The following SEC11A variants were observed in gnomAD, a reference collection of about 807,000 sequenced individuals.
The protein encoded by SEC11A is SEC11 homolog A, signal peptidase complex subunit.
Under a neutral mutation model 25.6 loss-of-function variants are expected in SEC11A, and 14 were observed. That is an observed-to-expected ratio of 0.55 (90% CI 0.36 to 0.85). The LOEUF (loss-of-function observed/expected upper bound fraction) is 0.85, where lower values mean the gene tolerates loss of function less well. Among genes scored for constraint, SEC11A ranks in the 40% least tolerant of loss-of-function variants. SEC11A has a pLI of 0.01. For synonymous variants in SEC11A, 83 were observed against 76.4 expected (o/e 1.09, Z -0.45); for missense variants, 153 against 222.9 (o/e 0.69, Z 2.00).
intron 4 of SEC11A, among the ~76,000 whole-genome samples, chr15:84,680,211 G>C (rs1317779117): frequency 6.6e-6 from 1 of 151,624 alleles, no homozygotes; most frequent in East Asian, 1.9e-4. Context: ...TGAGGCAGGA[G>C]AATCGCTTGA....
intron 4 of SEC11A, 127 bp from the exon 5 acceptor site, chr15:84,670,909 C>T (rs1470259321): frequency 6.1e-6 from 3 of 490,654 alleles, no homozygotes; most frequent in South Asian, 3.3e-5. Context: ...TTTCTATATA[C>T]TGCCCTATTT....
chr15:84,716,132 G>C lies in SEC11A; in HGVS notation c.-57C>G. 6.5e-7 allele frequency: 1 copy of C among 1,536,944 alleles called. No homozygotes were observed. Among genetic ancestry groups the C allele is most frequent in the Non-Finnish European group, 9.0e-7 (1 of 1,112,680 alleles). ...GAAAGGGCGCGATGACCAGCGGGCG[G>C]AACTACTGGAGCTCGGGTCGGGCTC... On this transcript the variant is annotated 5_prime_UTR_variant, in exon 1 of 6. Transcript: ENST00000268220.
At chr15:84,706,653 C>T (rs1053700711) in intron 1 of SEC11A, among the ~76,000 whole-genome samples, 2 of 152,162 alleles carry the variant, frequency 1.3e-5, no homozygotes, top group African/African-American at 4.8e-5. Flanking sequence ...ATAACAGAAA[C>T]GTAACTTTTG....
At chr15:84,706,402 A>G (rs1183369428) in intron 1 of SEC11A, among the ~76,000 whole-genome samples, 2 of 152,158 alleles carry the variant, frequency 1.3e-5, no homozygotes, top group African/African-American at 4.8e-5. Flanking sequence ...CTACTACACC[A>G]TGAGGGAAGC....
intron 3 of SEC11A, among the ~76,000 whole-genome samples, chr15:84,682,499 A>T (rs1897306931): frequency 6.6e-6 from 1 of 152,100 alleles, no homozygotes; most frequent in Admixed American, 6.6e-5. Context: ...CCCAGGCTGG[A>T]GTGCAATGGC....
At chr15:84,708,309 A>G (rs1247058332) in intron 1 of SEC11A, among the ~76,000 whole-genome samples, 1 of 151,754 alleles carries the variant, frequency 6.6e-6, no homozygotes, top group East Asian at 1.9e-4. Context: ...ATGGGGACTG[A>G]TATCAATATT....
At chr15:84,713,890 G>A (rs962372868) in intron 1 of SEC11A, among the ~76,000 whole-genome samples, 7 of 152,044 alleles carry the variant, frequency 4.6e-5, no homozygotes, top group Admixed American at 1.3e-4. Context: ...GAAGCTGTTC[G>A]TAATGCCCTG....
At chr15:84,714,477 T>A (rs1452287429) in intron 1 of SEC11A, among the ~76,000 whole-genome samples, 1 of 152,240 alleles carries the variant, frequency 6.6e-6, no homozygotes, top group East Asian at 1.9e-4. Context: ...TGAATGCAAC[T>A]AATGTCAGTG....
chr15:84,670,446 C>A, intron 5 of SEC11A: 1 of 275,720 alleles, frequency 3.6e-6, no homozygotes. Flanking sequence ...GTCATATTGA[C>A]CAGGCTGTTC....
rs767138297 is a variant in SEC11A, at chr15:84,691,629, G to T, written c.67C>A (p.Leu23Ile). Residue 23 changes from leucine (L) to isoleucine (I), a missense_variant, in exon 2 of 6, where the codon CTA becomes ATA. By Grantham distance (5) the Leu-to-Ile change is conservative. Coordinates refer to ENST00000268220, the MANE Select transcript of SEC11A (RefSeq NM_014300.4). ...GATGAGACAATCATTCCAAAATTTA[G>T]GACTTGATAATAGAGCTGCAAGAAC... ...MNKRQLYYQV[L>I]NFGMIVSSAL... 6.2e-7 allele frequency: 1 copy of T among 1,606,498 alleles called. No homozygotes were observed. Among genetic ancestry groups the T allele is most frequent in the South Asian group, 1.1e-5 (1 of 90,870 alleles).
At chr15:84,694,158 C>A (rs1262363733) in intron 1 of SEC11A, among the ~76,000 whole-genome samples, 2 of 151,850 alleles carry the variant, frequency 1.3e-5, no homozygotes, top group Non-Finnish European at 2.9e-5. Context: ...AGTAGGAGAC[C>A]AGCCTGGCCA....
At chr15:84,711,325 G>A (rs1898258266) in intron 1 of SEC11A, among the ~76,000 whole-genome samples, 1 of 151,670 alleles carries the variant, frequency 6.6e-6, no homozygotes, top group Admixed American at 6.6e-5. Context: ...GAGGTTGCAG[G>A]GAGCCAAGAT....
intron 1 of SEC11A, among the ~76,000 whole-genome samples, chr15:84,708,549 TA>T (rs945512930): frequency 6.6e-4 from 99 of 149,022 alleles, no homozygotes; most frequent in Admixed American, 3.4e-4. Flanking sequence ...ACAACTCGTT[TA>T]AAAAAAAAAG....
chr15:84,707,398 A>C (rs1898128243), intron 1 of SEC11A, among the ~76,000 whole-genome samples: 1 of 151,850 alleles, frequency 6.6e-6, no homozygotes, highest in Non-Finnish European at 1.5e-5. Context: ...GTTGGCCAGG[A>C]TGGTCTCGAT....
chr15:84,687,499 A>G, intron 3 of SEC11A, 126 bp downstream of exon 3: 1 of 647,974 alleles, frequency 1.5e-6, no homozygotes, highest in African/African-American at 1.9e-5. Context: ...CAGCATTCAT[A>G]AAAATGGACT....
At chr15:84,682,461 T>C (rs909422718) in intron 3 of SEC11A, among the ~76,000 whole-genome samples, 1 of 152,156 alleles carries the variant, frequency 6.6e-6, no homozygotes, top group Non-Finnish European at 1.5e-5. Flanking sequence ...TGTTTTGTTT[T>C]GTTTTGAGAC....
intron 1 of SEC11A, among the ~76,000 whole-genome samples, chr15:84,715,589 GT>G (rs1898435401): frequency 6.6e-6 from 1 of 152,164 alleles, no homozygotes; most frequent in African/African-American, 2.4e-5. Context: ...CAGCAAAACG[GT>G]TTTTGTGGGG....
At chr15:84,701,907 A>G (rs1320529805) in intron 1 of SEC11A, among the ~76,000 whole-genome samples, 2 of 151,678 alleles carry the variant, frequency 1.3e-5, no homozygotes, top group Non-Finnish European at 2.9e-5. Context: ...TCTTCACTAA[A>G]AATACACAAA....
At chr15:84,714,968 A>G (rs995679953) in intron 1 of SEC11A, 5 of 152,224 alleles carry the variant, frequency 3.3e-5, no homozygotes, top group Non-Finnish European at 7.3e-5. Context: ...AAAAGACAAC[A>G]CTATACAAGT....
Sources: allele counts gnomAD v4.1 joint callset (sites outside exome capture counted in the v4.1 genomes callset), GRCh38; gene constraint gnomAD v4.1.1; transcripts MANE v1.5; gene names NCBI Gene and HGNC (gene_info 2026-07-23, HGNC 2026-07-21).